Variants in TAFA4 observed in about 807,000 individuals in gnomAD.
The protein encoded by TAFA4 is TAFA chemokine like family member 4, also known as chemokine-like protein TAFA-4.
Under a neutral mutation model 21.1 loss-of-function variants are expected in TAFA4, and 20 were observed. That is an observed-to-expected ratio of 0.95 (90% CI 0.67 to 1.38). The LOEUF is 1.38. Among genes scored for constraint, TAFA4 ranks in the 40% most tolerant of loss-of-function variants. TAFA4 has a pLI of 0.00. For synonymous variants in TAFA4, 71 were observed against 67.4 expected, an observed-to-expected ratio of 1.05 and a Z score of -0.26; for missense variants, 211 against 180.9, an observed-to-expected ratio of 1.17 and a Z score of -0.95.
intron 1 of TAFA4, among the ~76,000 whole-genome samples, chr3:68,930,141 CTTT>C (rs928318683): frequency 6.6e-5 from 10 of 152,086 alleles, no homozygotes; most frequent in African/African-American, 2.4e-4. Flanking sequence ...TCTTCTTTTT[CTTT>C]TTTAATTACT....
chr3:68,819,989 T>A (rs1425413553), intron 3 of TAFA4, among the ~76,000 whole-genome samples: 2 of 152,186 alleles, frequency 1.3e-5, no homozygotes, highest in African/African-American at 4.8e-5. Context: ...TACTCCCACA[T>A]TCATTGCAGC....
chr3:68,805,880 T>C (rs927155582), intron 3 of TAFA4, among the ~76,000 whole-genome samples: 49 of 152,106 alleles, frequency 3.2e-4, no homozygotes, highest in African/African-American at 8.2e-4. Flanking sequence ...GGGTGCAGCA[T>C]ACCAACATGG....
At chr3:68,738,530 A>G (rs1575589755) in intron 5 of TAFA4, among the ~76,000 whole-genome samples, 1 of 152,204 alleles carries the variant, frequency 6.6e-6, no homozygotes, top group East Asian at 1.9e-4. Flanking sequence ...GTTGGGTAGT[A>G]AAAATCCTAA....
chr3:68,843,090 T>C (rs1405522046), intron 3 of TAFA4, among the ~76,000 whole-genome samples: 1 of 152,182 alleles, frequency 6.6e-6, no homozygotes, highest in Non-Finnish European at 1.5e-5. Flanking sequence ...TGGTGGTTTG[T>C]TGGGGATAGC....
rs4855531 is a variant in TAFA4 at position 68,861,770 on chromosome 3, A to T, written c.130+18960T>A. ...CACTCCACAAGCAGGGAGAAAAGGG[A>T]AGTAGAAGGCAGTGGAAAATCAAGC... On this transcript the variant is annotated intron_variant, in intron 3 of 5. Transcript: ENST00000295569. 4.8e-3 allele frequency among the ~76,000 whole-genome samples: 734 copies of T among 152,050 alleles called. 6 individuals carry two copies. Among genetic ancestry groups the T allele is most frequent in the African/African-American group, 0.017 (699 of 41,488 alleles).
chr3:68,915,259 A>G lies in TAFA4; in HGVS notation c.-123+16981T>C, dbSNP rs80347105. 6.7e-3 allele frequency among the ~76,000 whole-genome samples: 1,017 copies of G among 152,344 alleles called. 5 individuals are homozygous for G. The highest frequency in any genetic ancestry group is 0.031 in the Middle Eastern group (9 of 294). On this transcript the variant is annotated intron_variant, in intron 1 of 5. Coordinates refer to ENST00000295569, the MANE Select transcript of TAFA4 (RefSeq NM_182522.5). ...AGTTCTTAGGACAAGCTCTGGCCCA[A>G]TGGCAACTAGAACACTATTACAAGA... is the stretch of plus-strand genomic sequence containing the variant.
At chr3:68,922,948 C>T (rs542231030) in intron 1 of TAFA4, among the ~76,000 whole-genome samples, 1 of 152,240 alleles carries the variant, frequency 6.6e-6, no homozygotes, top group South Asian at 2.1e-4. Flanking sequence ...AGCTTACTGG[C>T]ACTGTCTGCT....
intron 1 of TAFA4, among the ~76,000 whole-genome samples, chr3:68,887,292 C>G (rs542652222): frequency 6.6e-6 from 1 of 152,314 alleles, no homozygotes; most frequent in South Asian, 2.1e-4. Context: ...TGTCCTGCAT[C>G]CTGGACATGC....
intron 1 of TAFA4, among the ~76,000 whole-genome samples, chr3:68,912,505 G>A (rs1395153099): frequency 6.6e-6 from 1 of 152,156 alleles, no homozygotes; most frequent in Non-Finnish European, 1.5e-5. Flanking sequence ...AAAATGAGCC[G>A]CCCCTTGGCT....
At chr3:68,741,848 G>A (rs1389572035) in intron 4 of TAFA4, among the ~76,000 whole-genome samples, 1 of 151,360 alleles carries the variant, frequency 6.6e-6, no homozygotes, top group Non-Finnish European at 1.5e-5. Context: ...AAGAATCGAA[G>A]AAGAGAGAAC....
chr3:68,925,297 T>C (rs2090097563), intron 1 of TAFA4, among the ~76,000 whole-genome samples: 1 of 152,204 alleles, frequency 6.6e-6, no homozygotes, highest in African/African-American at 2.4e-5. Flanking sequence ...CCGAGTTGCA[T>C]AATCAGTTCT....
intron 3 of TAFA4, among the ~76,000 whole-genome samples, chr3:68,795,246 A>T (rs1703433115): frequency 6.6e-6 from 1 of 151,336 alleles, no homozygotes; most frequent in Non-Finnish European, 1.5e-5. Context: ...GGTACAACGC[A>T]TTCTAGATGG....
In TAFA4 at chr3:68,840,591, T is replaced by C. The variant is rs187256905; in HGVS notation, c.130+40139A>G. Reference sequence around the variant, plus strand: ...ACTTAAGAAATACAAACACGTGCCTTTAGAAGGTAAATAAAAACTCTTATG... The same window carrying C: ...ACTTAAGAAATACAAACACGTGCCTCTAGAAGGTAAATAAAAACTCTTATG... On this transcript the variant is annotated intron_variant, in intron 3 of 5. Transcript: ENST00000295569. 3.9e-4 allele frequency among the ~76,000 whole-genome samples: 59 copies of C among 152,250 alleles called. No individual in the cohort carries two copies. In the East Asian group the frequency reaches 0.011, roughly 29 times the overall value.
intron 3 of TAFA4, among the ~76,000 whole-genome samples, chr3:68,828,576 T>C (rs1288963917): frequency 6.6e-6 from 1 of 152,200 alleles, no homozygotes; most frequent in East Asian, 1.9e-4. Flanking sequence ...GTAGTTATCT[T>C]TGAAGAGGTC....
chr3:68,734,175 A>AAT (rs1436532154), intron 5 of TAFA4, among the ~76,000 whole-genome samples: 4 of 152,184 alleles, frequency 2.6e-5, no homozygotes, highest in Non-Finnish European at 5.9e-5. Flanking sequence ...GTAAAATCTG[A>AAT]ATTTCATATA....
At chr3:68,797,885 G>A (rs999598014) in intron 3 of TAFA4, among the ~76,000 whole-genome samples, 5 of 152,136 alleles carry the variant, frequency 3.3e-5, no homozygotes, top group African/African-American at 1.2e-4. Context: ...CCGTAGCACA[G>A]CGATGTGAGT....
intron 1 of TAFA4, among the ~76,000 whole-genome samples, chr3:68,905,341 T>C (rs2089889069): frequency 6.6e-6 from 1 of 151,894 alleles, no homozygotes; most frequent in South Asian, 2.1e-4. Context: ...AGCTAAGTTT[T>C]TGTATTTTAG....
intron 3 of TAFA4, among the ~76,000 whole-genome samples, chr3:68,777,931 T>C (rs1190962938): frequency 2.6e-5 from 4 of 152,296 alleles, no homozygotes. Context: ...CAATAACATC[T>C]AGGTTTATGT....
At chr3:68,903,013 T>A (rs201696470) in intron 1 of TAFA4, among the ~76,000 whole-genome samples, 1 of 151,250 alleles carries the variant, frequency 6.6e-6, no homozygotes, top group African/African-American at 2.4e-5. Context: ...CTGAAAAAAT[T>A]AAAAAAAATC....
Sources: allele counts gnomAD v4.1 joint callset (sites outside exome capture counted in the v4.1 genomes callset), GRCh38; gene constraint gnomAD v4.1.1; transcripts MANE v1.5; gene names NCBI Gene and HGNC (gene_info 2026-07-23, HGNC 2026-07-21).